Variants in PPP3CB observed in about 807,000 individuals in gnomAD.
PPP3CB encodes protein phosphatase 3 catalytic subunit beta, also known as serine/threonine-protein phosphatase 2B catalytic subunit beta isoform.
Under a neutral mutation model 66.4 loss-of-function variants are expected in PPP3CB, and 8 were observed. The ratio of observed to expected loss-of-function variants is 0.12; its 90% CI spans 0.07 to 0.22. PPP3CB has a LOEUF of 0.22. Ranked by LOEUF, PPP3CB falls within the 10% of genes least tolerant of loss-of-function variation. PPP3CB has a pLI of 1.00. For synonymous variants in PPP3CB, 208 were observed against 221.2 expected (o/e 0.94, Z 0.53); for missense variants, 319 against 642.5 (o/e 0.50, Z 5.44).
intron 13 of PPP3CB, 101 bp downstream of exon 13, chr10:73,439,771 T>C (rs1437844757): frequency 1.5e-6 from 2 of 1,327,976 alleles, no homozygotes; most frequent in East Asian, 4.7e-5. Flanking sequence ...CTGATTCATC[T>C]TGGGCTGTAA....
intron 9 of PPP3CB, among the ~76,000 whole-genome samples, chr10:73,459,403 G>A (rs770651682): frequency 1.4e-4 from 21 of 152,144 alleles, no homozygotes; most frequent in Non-Finnish European, 2.5e-4. Flanking sequence ...GGAGAATGGC[G>A]TGAACCCAGG....
intron 10 of PPP3CB, among the ~76,000 whole-genome samples, chr10:73,453,347 A>G (rs566481082): frequency 6.6e-6 from 1 of 152,348 alleles, no homozygotes; most frequent in Non-Finnish European, 1.5e-5. Context: ...TTTTACTGCT[A>G]TTCATAAGGA....
intron 1 of PPP3CB, among the ~76,000 whole-genome samples, chr10:73,491,702 T>A (rs2057080509): frequency 6.6e-6 from 1 of 152,130 alleles, no homozygotes; most frequent in Admixed American, 6.5e-5. Context: ...GCACGGTGGC[T>A]CATGCCTATA....
chr10:73,478,079 A>T (rs1361152198), intron 3 of PPP3CB, among the ~76,000 whole-genome samples: 1 of 152,232 alleles, frequency 6.6e-6, no homozygotes, highest in Non-Finnish European at 1.5e-5. Flanking sequence ...ATAGCTACAC[A>T]AGGAGAAACA....
chr10:73,475,348 G>A (rs538169171), intron 3 of PPP3CB, among the ~76,000 whole-genome samples: 3 of 152,276 alleles, frequency 2.0e-5, no homozygotes, highest in African/African-American at 4.8e-5. Flanking sequence ...CTACAGATGC[G>A]TATTAGTAAA....
At chr10:73,483,381 G>A (rs1036701732) in intron 1 of PPP3CB, among the ~76,000 whole-genome samples, 2 of 152,182 alleles carry the variant, frequency 1.3e-5, no homozygotes, top group African/African-American at 2.4e-5. Flanking sequence ...TTGGCTGGGC[G>A]CAGAGGCTCA....
At chr10:73,487,659 G>A (rs978998593) in intron 1 of PPP3CB, among the ~76,000 whole-genome samples, 20 of 150,228 alleles carry the variant, frequency 1.3e-4, no homozygotes, top group Non-Finnish European at 2.8e-4. Flanking sequence ...CTTGTTTAAC[G>A]ACACTAATTT....
intron 1 of PPP3CB, among the ~76,000 whole-genome samples, chr10:73,491,151 C>T (rs898653447): frequency 5.3e-5 from 8 of 151,582 alleles, no homozygotes; most frequent in Admixed American, 3.3e-4. Flanking sequence ...CTGCCTCAGC[C>T]TCCCGAGTAG....
chr10:73,457,415 G>A (rs1164322195), intron 9 of PPP3CB, among the ~76,000 whole-genome samples: 1 of 151,938 alleles, frequency 6.6e-6, no homozygotes, highest in East Asian at 1.9e-4. Flanking sequence ...TAGCCTAGAT[G>A]ATGGAGTGAA....
chr10:73,465,236 G>A (rs2056600141), intron 9 of PPP3CB, among the ~76,000 whole-genome samples: 3 of 152,138 alleles, frequency 2.0e-5, no homozygotes, highest in Admixed American at 2.0e-4. Flanking sequence ...TACTTCTTTA[G>A]AGACAGGGTT....
chr10:73,474,986 T>A lies in PPP3CB; in HGVS notation c.456A>T (p.Thr152=). Residue 152 remains threonine, a synonymous_variant, in exon 4 of 14, where the codon ACA becomes ACT. Transcript: ENST00000360663. ...CATGGTTGCCTCTCAGAAGAAATAA[T>A]GTGCTTGGGTATAGAATCTTCAGAA... ...LWVLKILYPS[T]LFLLRGNHEC... 6.2e-7 allele frequency: 1 copy of A among 1,614,084 alleles called. No individual in the cohort carries two copies. The highest frequency in any genetic ancestry group is 8.5e-7 in the Non-Finnish European group (1 of 1,180,014).
intron 10 of PPP3CB, among the ~76,000 whole-genome samples, chr10:73,448,362 ACAAT>A (rs1037571187): frequency 2.9e-4 from 44 of 152,316 alleles, no homozygotes; most frequent in Middle Eastern, 3.4e-3. Flanking sequence ...GAAATAATAG[ACAAT>A]CAAACAACCC....
chr10:73,484,426 A>G (rs986369103), intron 1 of PPP3CB, among the ~76,000 whole-genome samples: 4 of 151,776 alleles, frequency 2.6e-5, no homozygotes, highest in Non-Finnish European at 5.9e-5. Context: ...ACCTGCCACC[A>G]CGCCCAGCTA....
At chr10:73,453,542 C>A (rs188432035) in intron 10 of PPP3CB, among the ~76,000 whole-genome samples, 1 of 152,036 alleles carries the variant, frequency 6.6e-6, no homozygotes, top group Non-Finnish European at 1.5e-5. Context: ...GGATTACAGG[C>A]GTGAGCCACC....
At chr10:73,462,567 G>A in intron 9 of PPP3CB, among the ~76,000 whole-genome samples, 1 of 152,014 alleles carries the variant, frequency 6.6e-6, no homozygotes, top group East Asian at 1.9e-4. Context: ...AGATTTATAG[G>A]ACAAATGAAG....
At chr10:73,442,844 A>C (rs1485374312) in intron 12 of PPP3CB, among the ~76,000 whole-genome samples, 1 of 151,916 alleles carries the variant, frequency 6.6e-6, no homozygotes, top group African/African-American at 2.4e-5. Context: ...TTAAAATAGA[A>C]CATGTATAGG....
chr10:73,444,392 G>C, intron 12 of PPP3CB: 1 of 584,088 alleles, frequency 1.7e-6, no homozygotes, highest in South Asian at 2.8e-5. Flanking sequence ...TTCACATTCT[G>C]AAACTGGGGC....
rs773877963 is a variant in PPP3CB, at chr10:73,495,831, G to A, written c.59C>T (p.Pro20Leu). The change falls in exon 1 of 14, where the codon CCT becomes CTT. Residue 20 changes from proline (P) to leucine (L), a missense_variant. By Grantham distance (98) the Pro-to-Leu change is moderately conservative. This residue lies in a region of PPP3CB where 104 missense variants were observed against 128.4 expected (regional missense o/e 0.81). Transcript: ENST00000360663. The stretch of plus-strand genomic sequence containing the variant: ...TTTGACGACGCGGTCAGCCCCGGGA[G>A]GGGGCGGCGGGGGCGGGGGTGGGGG... ...APPPPPPPPP[P>L]PGADRVVKAV... 3 of 1,500,918 alleles carry A rather than the reference G, an allele frequency of 2.0e-6. No individual in the cohort carries two copies. Among genetic ancestry groups the A allele is most frequent in the Middle Eastern group, 2.3e-4 (1 of 4,422 alleles). The allele number at this position is 1,500,918 out of a possible 1,614,324, so 93.0% of individuals were successfully genotyped here.
intron 9 of PPP3CB, among the ~76,000 whole-genome samples, chr10:73,458,090 C>T (rs1406727237): frequency 2.6e-5 from 4 of 152,158 alleles, no homozygotes; most frequent in Non-Finnish European, 5.9e-5. Context: ...ATCTATGTAA[C>T]AAAATTACAC....
Sources: gnomAD v4.1 joint callset for allele counts (sites outside exome capture counted in the v4.1 genomes callset) on GRCh38, gnomAD v4.1.1 for gene constraint, gnomAD v4.1.1 regional missense constraint, MANE v1.5 for transcripts, NCBI Gene and HGNC (gene_info 2026-07-23, HGNC 2026-07-21) for gene names.